The following AKR1B15 variants were observed in gnomAD, a reference collection of about 807,000 sequenced individuals.
The protein encoded by AKR1B15 is estradiol 17-beta-dehydrogenase AKR1B15.
A neutral mutation model predicts 38.5 loss-of-function variants in AKR1B15; 49 were observed. The ratio of observed to expected loss-of-function variants is 1.27; its 90% CI spans 1.01 to 1.62. The LOEUF (loss-of-function observed/expected upper bound fraction) is 1.62. AKR1B15 is among the 40% of genes most tolerant of loss of function. The pLI, the probability that AKR1B15 is intolerant of heterozygous loss-of-function variation, is 0.00. For synonymous variants in AKR1B15, 137 were observed against 135.5 expected, an observed-to-expected ratio of 1.01 and a Z score of -0.08; for missense variants, 411 against 381.6, an observed-to-expected ratio of 1.08 and a Z score of -0.64.
chr7:134,568,112 T>G, intron 3 of AKR1B15, 46 bp from the exon 4 acceptor site: 1 of 1,608,332 alleles, frequency 6.2e-7, no homozygotes, highest in Middle Eastern at 1.8e-4. Context: ...GTCTCATCTC[T>G]TAAAAAAAAA....
At chr7:134,551,815 A>G (rs1028063981) in intron 1 of AKR1B15, among the ~76,000 whole-genome samples, 1 of 152,188 alleles carries the variant, frequency 6.6e-6, no homozygotes, top group African/African-American at 2.4e-5. Context: ...CAGATTGGAC[A>G]CTGGAGAAAG....
At chr7:134,565,244 G>A (rs78821639) in intron 3 of AKR1B15, 47,904 of 560,832 alleles carry the variant, frequency 0.085, 3,098 homozygotes, top group East Asian at 0.28. Context: ...GACAGTCTGC[G>A]GCTTCATTCT....
At chr7:134,552,492 G>C (rs540146137) in intron 1 of AKR1B15, among the ~76,000 whole-genome samples, 1 of 152,010 alleles carries the variant, frequency 6.6e-6, no homozygotes, top group Non-Finnish European at 1.5e-5. Flanking sequence ...GGCTATAGAG[G>C]GAATTAATCC....
At chr7:134,556,320 A>G (rs1794195188) in intron 1 of AKR1B15, among the ~76,000 whole-genome samples, 1 of 152,172 alleles carries the variant, frequency 6.6e-6, no homozygotes. Flanking sequence ...CACCAAGCCT[A>G]AACTAGCCTG....
chr7:134,573,564 C>T (rs1311836839), intron 6 of AKR1B15: 34 of 984,516 alleles, frequency 3.5e-5, no homozygotes, highest in Non-Finnish European at 4.0e-5. Context: ...TATGTAGACC[C>T]ACAACCAGTT....
At chr7:134,565,437 G>A (rs775782505) in intron 3 of AKR1B15, 10 of 1,611,736 alleles carry the variant, frequency 6.2e-6, no homozygotes, top group South Asian at 1.1e-5. Flanking sequence ...ACAGCAGGAC[G>A]TGAGACTTCT....
chr7:134,562,044 C>T (rs1234582453), intron 2 of AKR1B15, among the ~76,000 whole-genome samples: 3 of 152,128 alleles, frequency 2.0e-5, no homozygotes, highest in Non-Finnish European at 4.4e-5. Flanking sequence ...AGTGCAGTGG[C>T]ACAATCTCGG....
At chr7:134,556,550 C>A (rs562706898) in intron 1 of AKR1B15, among the ~76,000 whole-genome samples, 186 bp from the exon 2 acceptor site, 2 of 152,148 alleles carry the variant, frequency 1.3e-5, no homozygotes, top group Admixed American at 6.5e-5. Flanking sequence ...CTTCCTTAAA[C>A]CCCTCAGTCT....
intron 5 of AKR1B15, among the ~76,000 whole-genome samples, chr7:134,570,693 G>A (rs536096490): frequency 6.6e-6 from 1 of 152,346 alleles, no homozygotes; most frequent in African/African-American, 2.4e-5. Context: ...GGGCTGCAGA[G>A]TGGTGTGGAC....
At chr7:134,573,303 T>C in intron 6 of AKR1B15, 1 of 927,784 alleles carries the variant, frequency 1.1e-6, no homozygotes, top group Non-Finnish European at 1.3e-6. Context: ...AGTGTTCAGA[T>C]TACAGGCGTG....
chr7:134,549,834 G>C (rs1793904985), intron 1 of AKR1B15, among the ~76,000 whole-genome samples: 1 of 152,108 alleles, frequency 6.6e-6, no homozygotes, highest in Non-Finnish European at 1.5e-5. Context: ...TCGGATCGTC[G>C]ATACTGCCCA....
intron 4 of AKR1B15, among the ~76,000 whole-genome samples, 190 bp from the exon 5 acceptor site, chr7:134,569,223 A>C (rs1237140665): frequency 6.6e-6 from 1 of 152,230 alleles, no homozygotes; most frequent in Non-Finnish European, 1.5e-5. Flanking sequence ...CTGCTTTTAA[A>C]ACTTAAGACA....
intron 3 of AKR1B15, among the ~76,000 whole-genome samples, chr7:134,566,776 G>C (rs1389507990): frequency 1.3e-5 from 2 of 152,116 alleles, no homozygotes; most frequent in African/African-American, 4.8e-5. Flanking sequence ...CTGCAGCACT[G>C]GGTCATTCTC....
In AKR1B15 at chr7:134,566,084, A is replaced by C. The variant is rs533267055; in HGVS notation, c.150+1315A>C. Among the ~76,000 whole-genome samples the C allele has an allele frequency of 3.3e-5, 5 of 152,304 alleles. No homozygotes were observed. The South Asian group carries it at 1.0e-3, about 32-fold the overall frequency. ...CCAGACGAGAGGACTGCTTAAGCCC[A>C]GGAGTTGGAGACCAGACTGGGCAAC... On this transcript the variant is annotated intron_variant, in intron 3 of 11. Transcript: ENST00000457545.
At chr7:134,567,457 C>T (rs567580337) in intron 3 of AKR1B15, among the ~76,000 whole-genome samples, 5 of 152,148 alleles carry the variant, frequency 3.3e-5, no homozygotes, top group Admixed American at 6.5e-5. Flanking sequence ...GTATAATGGA[C>T]GGCCTGTACT....
At chr7:134,562,832 C>CTTTCTTTCTTTCTTTTCTTTCTT (rs1554402357) in intron 2 of AKR1B15, among the ~76,000 whole-genome samples, 16 of 122,694 alleles carry the variant, frequency 1.3e-4, no homozygotes, top group African/African-American at 5.1e-4. Context: ...TCCTTCCTTT[C>CTTTCTTTCTTTCTTTTCTTTCTT]TCTTTCTTTC....
At chr7:134,552,647 T>C (rs1267028639) in intron 1 of AKR1B15, among the ~76,000 whole-genome samples, 1 of 152,188 alleles carries the variant, frequency 6.6e-6, no homozygotes, top group Non-Finnish European at 1.5e-5. Flanking sequence ...AGACAGTCAC[T>C]GTCCATCCAA....
chr7:134,549,458 A>C (rs1191832694), intron 1 of AKR1B15, among the ~76,000 whole-genome samples: 1 of 152,064 alleles, frequency 6.6e-6, no homozygotes, highest in Non-Finnish European at 1.5e-5. Flanking sequence ...TGGGTATAAA[A>C]ATTGTAATAA....
At chr7:134,558,034 T>A (rs972345448) in intron 2 of AKR1B15, among the ~76,000 whole-genome samples, 1 of 152,158 alleles carries the variant, frequency 6.6e-6, no homozygotes, top group Non-Finnish European at 1.5e-5. Context: ...ATGGATATTA[T>A]CAGATCAAAG....
Sources: gnomAD v4.1 joint callset for allele counts (sites outside exome capture counted in the v4.1 genomes callset) on GRCh38, gnomAD v4.1.1 for gene constraint, MANE v1.5 for transcripts, NCBI Gene and HGNC (gene_info 2026-07-23, HGNC 2026-07-21) for gene names.